Variants in NCKAP5L observed in about 807,000 individuals in gnomAD.
NCKAP5L encodes the protein nck-associated protein 5-like.
NCKAP5L carries 54 observed loss-of-function variants against 103.2 expected under a neutral mutation model. That is an observed-to-expected ratio of 0.52 (90% confidence interval 0.42 to 0.66). The LOEUF (loss-of-function observed/expected upper bound fraction) is 0.66, where lower values mean the gene tolerates loss of function less well. Ranked by LOEUF, NCKAP5L falls within the 30% of genes least tolerant of loss-of-function variation. The probability of loss-of-function intolerance (pLI) is 0.00; values close to 1 mark genes in which losing one functional copy is unlikely to be tolerated. For missense variants in NCKAP5L, 1,733 were observed against 1,750.6 expected (o/e 0.99, Z 0.18); for synonymous variants, 762 against 748.6 (o/e 1.02, Z -0.29).
In NCKAP5L at chr12:49,796,069, G is replaced by A. The variant is rs755776554; in HGVS notation, c.1791C>T (p.Val597=). The change falls in exon 8 of 13, where the codon GTC becomes GTT. Residue 597 remains valine, a synonymous_variant. Coordinates refer to ENST00000335999, the MANE Select transcript of NCKAP5L (RefSeq NM_001037806.4). ...LTLEVPQAPE[V]LRSPGVPPSP... is the part of the protein sequence containing the mutation. ...TGGGGGGTACTCCAGGGCTTCTGAGGACCTCAGGGGCCTGTGGTACCTCCA... is the reference window on the plus strand; with the variant it reads ...TGGGGGGTACTCCAGGGCTTCTGAGAACCTCAGGGGCCTGTGGTACCTCCA... The A allele has an allele frequency of 6.3e-7, 1 of 1,585,748 alleles. No individual in the cohort carries two copies. Among genetic ancestry groups the A allele is most frequent in the South Asian group, 1.2e-5 (1 of 86,906 alleles).
chr12:49,822,444 G>T (rs565958115), intron 1 of NCKAP5L, among the ~76,000 whole-genome samples: 6 of 152,146 alleles, frequency 3.9e-5, no homozygotes, highest in Admixed American at 6.5e-5. Context: ...ATGAAAAAAA[G>T]AATATATATT....
intron 1 of NCKAP5L, among the ~76,000 whole-genome samples, chr12:49,818,888 T>C (rs935341128): frequency 6.6e-6 from 1 of 152,134 alleles, no homozygotes; most frequent in Admixed American, 6.6e-5. Flanking sequence ...GTAAATAGTA[T>C]GGAAGTTTCT....
rs77970390 is a variant in NCKAP5L, at chr12:49,819,474, A to G, written c.-99+8848T>C. Among the ~76,000 whole-genome samples the G allele has an allele frequency of 9.2e-3, 1,398 of 152,360 alleles. 9 individuals carry two copies. The highest frequency in any genetic ancestry group is 0.027 in the South Asian group (130 of 4,830). On this transcript the variant is annotated intron_variant, in intron 1 of 12. Coordinates refer to ENST00000335999, the MANE Select transcript of NCKAP5L (RefSeq NM_001037806.4). ...GATAAAGAAAAGATGCTATATACAC[A>G]TAATAGGACACTATTCAGTCCTAAA...
In NCKAP5L at chr12:49,793,767, G is replaced by T; in HGVS notation, c.3225C>A (p.Gly1075=). The change falls in exon 9 of 13, where the codon GGC becomes GGA. Residue 1075 remains glycine, a synonymous_variant. Coordinates refer to ENST00000335999, the MANE Select transcript of NCKAP5L (RefSeq NM_001037806.4). ...GAGGTTTTCCGCAGCCCTGAAGAGG[G>T]CCCACCAGGCCATTCCGGGGCCCAC... ...PACGPRNGLV[G]PLQGCGKPPG... is the part of the protein sequence containing the mutation. 6.3e-7 allele frequency: 1 copy of T among 1,597,778 alleles called. No individual in the cohort carries two copies. Among genetic ancestry groups the T allele is most frequent in the Non-Finnish European group, 8.5e-7 (1 of 1,172,050 alleles).
rs1405755087 is a variant in NCKAP5L at position 49,801,745 on chromosome 12, T to C, written c.351+103A>G. On this transcript the variant is annotated intron_variant, in intron 6 of 12. Transcript: ENST00000335999. ...CCCAGAATGGAAGGTGGACAGCTGA[T>C]GGCCTGCTTCCCTAGGGGCACGTGA... 1.1e-5 allele frequency: 16 copies of C among 1,416,594 alleles called. No individual in the cohort carries two copies. The Admixed American group carries it at 3.1e-4, about 27-fold the overall frequency. 87.8% of individuals were successfully genotyped at this position (1,416,594 alleles called of 1,614,324 possible).
At chr12:49,823,986 T>TG (rs1460236810) in intron 1 of NCKAP5L, among the ~76,000 whole-genome samples, 1 of 151,840 alleles carries the variant, frequency 6.6e-6, no homozygotes, top group Admixed American at 6.6e-5. Flanking sequence ...TGCTGGGCGG[T>TG]GGGGGGTGAG....
intron 1 of NCKAP5L, among the ~76,000 whole-genome samples, chr12:49,819,536 G>A (rs892640159): frequency 1.4e-4 from 22 of 152,300 alleles, no homozygotes; most frequent in African/African-American, 5.1e-4. Flanking sequence ...CAACGTGGAT[G>A]AATCTGGAGA....
At position 49,805,710 on chromosome 12, in the gene NCKAP5L, A is replaced by G. The variant is rs546872668; in HGVS notation, c.-37+270T>C. The G allele has an allele frequency of 7.9e-5, 12 of 152,324 alleles. No individual in the cohort carries two copies. In the East Asian group the frequency reaches 2.3e-3, roughly 29 times the overall value. The allele number at this position is 152,324 out of a possible 1,614,324, so 9.4% of individuals were successfully genotyped here. ...GCAACATACTGAGACCGCATCTACC[A>G]AAAGAAAAAAAAAGAAGTGGGAGGA... is the stretch of plus-strand genomic sequence containing the variant. On this transcript the variant is annotated intron_variant, in intron 2 of 12. Transcript: ENST00000335999.
chr12:49,793,320 C>T (rs1426595615), intron 10 of NCKAP5L, 32 bp downstream of exon 10: 33 of 1,589,512 alleles, frequency 2.1e-5, no homozygotes, highest in Non-Finnish European at 2.7e-5. Flanking sequence ...GGGGTGGGGG[C>T]AGGCCCATCC....
At chr12:49,820,379 C>T (rs970545473) in intron 1 of NCKAP5L, among the ~76,000 whole-genome samples, 6 of 148,236 alleles carry the variant, frequency 4.0e-5, no homozygotes, top group Admixed American at 6.8e-5. Flanking sequence ...GGCAGTGGCG[C>T]GATCTCGGCT....
chr12:49,793,080 A>G, intron 10 of NCKAP5L, 94 bp from the exon 11 acceptor site: 1 of 1,063,402 alleles, frequency 9.4e-7, no homozygotes, highest in Admixed American at 2.9e-5. Flanking sequence ...CTCCACCCTT[A>G]CTCAGGGCCC....
Position 49,796,807 on chromosome 12 carries a change from A to G in NCKAP5L, c.1053T>C (p.Asn351=), listed in dbSNP as rs1171105754. 1.9e-6 allele frequency: 3 copies of G among 1,613,576 alleles called. No homozygotes were observed. In the East Asian group the frequency reaches 6.7e-5, roughly 36 times the overall value. Residue 351 remains asparagine (N), a synonymous_variant, in exon 8 of 13, where the codon AAT becomes AAC. Coordinates refer to ENST00000335999, the MANE Select transcript of NCKAP5L (RefSeq NM_001037806.4). ...AFLAGAAGPL[N]GDHPGPGQSS... ...ACTGCCCAGGACCTGGGTGGTCCCCATTGAGTGGGCCTGCAGCCCCGGCCA... is the reference window on the plus strand; with the variant it reads ...ACTGCCCAGGACCTGGGTGGTCCCCGTTGAGTGGGCCTGCAGCCCCGGCCA...
chr12:49,797,788 G>A lies in NCKAP5L; in HGVS notation c.466-394C>T, dbSNP rs1946075117. Among the ~76,000 whole-genome samples the A allele has an allele frequency of 6.6e-6, 1 of 152,184 alleles. No individual in the cohort carries two copies. The highest frequency in any genetic ancestry group is 1.5e-5 in the Non-Finnish European group (1 of 68,028). On this transcript the variant is annotated intron_variant, in intron 7 of 12. Transcript: ENST00000335999. The surrounding 1 kb of genome is among the most constrained non-coding windows in gnomAD (Gnocchi z 4.5). ...AAGAACACACAGACTCCAGAAGGGA[G>A]TGTGATGTGGCCAAGTCCTAAGTCA...
chr12:49,795,631 A>C lies in NCKAP5L; in HGVS notation c.2229T>G (p.Leu743=), dbSNP rs746356202. 1 of 1,608,076 alleles carries C rather than the reference A, an allele frequency of 6.2e-7. No individual in the cohort carries two copies. The highest frequency in any genetic ancestry group is 8.5e-7 in the Non-Finnish European group (1 of 1,177,226). ...TNSLKQQEPG[L]MGDPGARVYS... is the part of the protein sequence containing the mutation. ...AGACTCGGGCCCCGGGATCCCCCAT[A>C]AGTCCAGGTTCCTGCTGCTTCAGGC... Residue 743 remains leucine (L), a synonymous_variant, in exon 8 of 13, where the codon CTT becomes CTG. Transcript: ENST00000335999.
intron 1 of NCKAP5L, among the ~76,000 whole-genome samples, chr12:49,813,484 G>A (rs1946263134): frequency 6.6e-6 from 1 of 151,940 alleles, no homozygotes; most frequent in South Asian, 2.1e-4. Flanking sequence ...TTTTAAATTG[G>A]GGATTGTGTC....
At position 49,795,291 on chromosome 12, in the gene NCKAP5L, T is replaced by C. The variant is rs748484917; in HGVS notation, c.2569A>G (p.Thr857Ala). The stretch of plus-strand genomic sequence containing the variant: ...GGTACTAGGGGTGTGGACTGGGCCG[T>C]GGTACTACCACAGTCTGCCCAGGGA... ...GPPWADCGST[T>A]AQSTPLVPGP... Residue 857 changes from threonine to alanine, a missense_variant, in exon 8 of 13, where the codon ACG (threonine) becomes GCG (alanine). By Grantham distance (58) the Thr-to-Ala change is moderately conservative (BLOSUM62 0). Transcript: ENST00000335999. 4 of 1,529,860 alleles carry C rather than the reference T, an allele frequency of 2.6e-6. No homozygotes were observed. In the Admixed American group the frequency reaches 6.5e-5, roughly 25 times the overall value. 94.8% of individuals were successfully genotyped at this position (1,529,860 alleles called of 1,614,324 possible).
intron 1 of NCKAP5L, among the ~76,000 whole-genome samples, chr12:49,817,291 G>GA (rs925551323): frequency 2.0e-5 from 3 of 151,270 alleles, no homozygotes; most frequent in African/African-American, 4.9e-5. Flanking sequence ...ATAGAAATAG[G>GA]AAAAAAAATC....
At chr12:49,799,188 G>C (rs11169159) in intron 6 of NCKAP5L, among the ~76,000 whole-genome samples, 5,617 of 152,154 alleles carry the variant, frequency 0.037, 164 homozygotes, top group East Asian at 0.13. Flanking sequence ...CCTCTGGCCT[G>C]CACTACTCAG....
rs1946072558 is a variant in NCKAP5L, at chr12:49,797,581, A to G, written c.466-187T>C. ...TCCGCTTCCTCAAGGGTTGCTCAAC[A>G]CTGGTTACCCCAGTTCTTCTTCCTG... On this transcript the variant is annotated intron_variant, in intron 7 of 12. Transcript: ENST00000335999. This position sits in a 1 kb window ranked among gnomAD's most constrained non-coding sequence, Gnocchi z 4.5. Among the ~76,000 whole-genome samples the G allele has an allele frequency of 6.6e-6, 1 of 152,170 alleles. No individual in the cohort carries two copies. Among genetic ancestry groups the G allele is most frequent in the South Asian group, 2.1e-4 (1 of 4,832 alleles).
Sources: gnomAD v4.1 joint callset for allele counts (sites outside exome capture counted in the v4.1 genomes callset) on GRCh38, gnomAD v4.1.1 for gene constraint, Gnocchi (gnomAD v3.1) non-coding constraint, MANE v1.5 for transcripts, NCBI Gene and HGNC (gene_info 2026-07-23, HGNC 2026-07-21) for gene names.